The following UFL1 variants were observed in gnomAD, a reference collection of about 807,000 sequenced individuals.
The protein encoded by UFL1 is UFM1 specific ligase 1.
In UFL1, 78 loss-of-function variants were observed where a neutral mutation model predicts 99.3. The observed-to-expected ratio is 0.79, with a 90% CI of 0.65 to 0.95. The LOEUF is 0.95. Among genes scored for constraint, UFL1 ranks in the 40% least tolerant of loss-of-function variants. UFL1 has a pLI of 0.00. For missense variants in UFL1, 936 were observed against 937.0 expected, an observed-to-expected ratio of 1.00 and a Z score of 0.01; for synonymous variants, 335 against 322.2, an observed-to-expected ratio of 1.04 and a Z score of -0.42.
Position 96,553,546 on chromosome 6 carries a change from A to G in UFL1, c.*43A>G, listed in dbSNP as rs1452117731. The G allele has an allele frequency of 6.4e-7, 1 of 1,567,808 alleles. No individual in the cohort carries two copies. Among genetic ancestry groups the G allele is most frequent in the Admixed American group, 1.8e-5 (1 of 56,840 alleles). ...TGTCATATAGTAAGCATTTTCCCCC[A>G]AGGTTGAAGGTGAGTGGTCACAAAA... On this transcript the variant is annotated 3_prime_UTR_variant, in exon 19 of 19. Transcript: ENST00000369278.
Position 96,521,832 on chromosome 6 carries a change from C to T in UFL1, c.-42C>T, listed in dbSNP as rs1275637543. ...TCTTCTCCCACCGCCTGTCGGCTGA[C>T]GTGTCTGCAGTTCCTCCGCGTCTAC... On this transcript the variant is annotated 5_prime_UTR_variant, in exon 1 of 19. In the 5' UTR this introduces an upstream ATG that the reference lacks. Transcript: ENST00000369278. 6.3e-6 allele frequency: 10 copies of T among 1,589,848 alleles called. No homozygotes were observed. Among genetic ancestry groups the T allele is most frequent in the Non-Finnish European group, 8.6e-6 (10 of 1,168,520 alleles).
At chr6:96,548,636 T>C (rs1227628649) in intron 13 of UFL1, among the ~76,000 whole-genome samples, 2 of 151,740 alleles carry the variant, frequency 1.3e-5, no homozygotes, top group Non-Finnish European at 3.0e-5. Flanking sequence ...GAAGAAAAGA[T>C]AATTTTCTAT....
intron 16 of UFL1, 46 bp from the exon 17 acceptor site, chr6:96,551,792 T>A (rs746588503): frequency 9.6e-6 from 12 of 1,253,532 alleles, no homozygotes; most frequent in Non-Finnish European, 1.4e-5. Context: ...TACTTCCTTA[T>A]GCAGTTATAT....
At chr6:96,524,432 T>C in intron 3 of UFL1, 22 bp downstream of exon 3, 1 of 1,563,860 alleles carries the variant, frequency 6.4e-7, no homozygotes, top group Non-Finnish European at 8.6e-7. Context: ...ATTTATAAAA[T>C]TTTTGCTTTA....
intron 14 of UFL1, 24 bp from the exon 15 acceptor site, chr6:96,549,645 T>C: frequency 6.3e-7 from 1 of 1,596,298 alleles, no homozygotes; most frequent in Non-Finnish European, 8.5e-7. Flanking sequence ...AAATTAGTTT[T>C]AATAAAGGTC....
At chr6:96,523,370 T>A in intron 2 of UFL1, 79 bp downstream of exon 2, 1 of 1,336,262 alleles carries the variant, frequency 7.5e-7, no homozygotes, top group Non-Finnish European at 1.0e-6. Flanking sequence ...CGTAAACATG[T>A]AATTGCATAC....
chr6:96,539,402 C>A (rs1582441948), intron 10 of UFL1, among the ~76,000 whole-genome samples: 1 of 151,582 alleles, frequency 6.6e-6, no homozygotes, highest in East Asian at 1.9e-4. Context: ...GTAAAATAGG[C>A]CCATTTATTT....
chr6:96,549,676 A>G lies in UFL1; in HGVS notation c.1695A>G (p.Thr565=). ...AGGTCCTTTATTTTCCAGATGACAC[A>G]CAGGCTGCTCTTACCAAACACTTGC... The part of the protein sequence containing the change: ...EKGMKFFADD[T]QAALTKHLLK... Residue 565 remains threonine (T), a synonymous_variant, in exon 15 of 19, where the codon ACA becomes ACG. Coordinates refer to ENST00000369278, the MANE Select transcript of UFL1 (RefSeq NM_015323.5). 1.2e-6 allele frequency: 2 copies of G among 1,608,544 alleles called. No individual in the cohort carries two copies. The highest frequency in any genetic ancestry group is 2.2e-5 in the South Asian group (2 of 89,640).
chr6:96,552,387 A>G (rs1292510483), intron 17 of UFL1, 95 bp from the exon 18 acceptor site: 7 of 1,341,476 alleles, frequency 5.2e-6, no homozygotes, highest in South Asian at 3.1e-5. Context: ...TAGATAAACT[A>G]GAGAAGCTAA....
chr6:96,538,741 A>C lies in UFL1; in HGVS notation c.1089A>C (p.Val363=). The C allele has an allele frequency of 6.2e-7, 1 of 1,611,426 alleles. No homozygotes were observed. The highest frequency in any genetic ancestry group is 1.3e-5 in the African/African-American group (1 of 74,854). Residue 363 remains valine, a synonymous_variant, in exon 10 of 19, where the codon GTA becomes GTC. Coordinates refer to ENST00000369278, the MANE Select transcript of UFL1 (RefSeq NM_015323.5). The stretch of plus-strand genomic sequence containing the variant: ...CTGTAGTCTTTAGCGACACTGTTGT[A>C]GTCAGTGAAAAATTTATAAATGACT... ...ASTVVFSDTV[V]VSEKFINDCT...
At position 96,554,770 on chromosome 6, in the gene UFL1, TA is replaced by T. The variant is rs1212840296; in HGVS notation, c.*1270del. The T allele has an allele frequency of 2.0e-5, 3 of 152,578 alleles. No homozygotes were observed. Among genetic ancestry groups the T allele is most frequent in the African/African-American group, 7.2e-5 (3 of 41,458 alleles). 9.5% of individuals were successfully genotyped at this position (152,578 alleles called of 1,614,324 possible). A position where few individuals can be genotyped will look rare whatever the true frequency, so the allele number is the denominator to read the frequency against. ...TAAATTGCCAACTTGGCATTATTATTAAACTTGATAGGAACGCAACATTAAA... is the reference window on the plus strand; with the variant it reads ...TAAATTGCCAACTTGGCATTATTATTAACTTGATAGGAACGCAACATTAAA... On this transcript the variant is annotated 3_prime_UTR_variant, in exon 19 of 19. Transcript: ENST00000369278.
At chr6:96,535,680 G>C (rs1406786790) in intron 7 of UFL1, among the ~76,000 whole-genome samples, 10 of 151,938 alleles carry the variant, frequency 6.6e-5, no homozygotes. Context: ...CTCCAACATT[G>C]ATCCTCTTAA....
intron 8 of UFL1, among the ~76,000 whole-genome samples, chr6:96,536,818 A>G (rs1418615655): frequency 6.6e-6 from 1 of 151,724 alleles, no homozygotes; most frequent in Middle Eastern, 3.2e-3. Context: ...CAGATATATC[A>G]TCTTAGAAAT....
chr6:96,541,440 A>G (rs897884744), intron 11 of UFL1, among the ~76,000 whole-genome samples: 20 of 151,564 alleles, frequency 1.3e-4, no homozygotes, highest in African/African-American at 4.6e-4. Flanking sequence ...TTTTTATAGT[A>G]GGAACAGTGC....
At chr6:96,526,960 C>CA (rs1446694527) in intron 5 of UFL1, among the ~76,000 whole-genome samples, 1 of 152,164 alleles carries the variant, frequency 6.6e-6, no homozygotes, top group Non-Finnish European at 1.5e-5. Context: ...GTAATGCCAA[C>CA]ATCTTTTGAC....
At chr6:96,527,230 C>T (rs1769717279) in intron 5 of UFL1, among the ~76,000 whole-genome samples, 1 of 152,074 alleles carries the variant, frequency 6.6e-6, no homozygotes, top group African/African-American at 2.4e-5. Flanking sequence ...GATTTGAATA[C>T]TGTCTGCACC....
At chr6:96,540,509 A>G (rs531500053) in intron 10 of UFL1, 26 bp from the exon 11 acceptor site, 1 of 1,584,176 alleles carries the variant, frequency 6.3e-7, no homozygotes, top group South Asian at 1.2e-5. Flanking sequence ...TGTTTTTCCT[A>G]CCAAAAAAAG....
intron 9 of UFL1, among the ~76,000 whole-genome samples, chr6:96,537,935 G>A (rs116044488): frequency 1.6e-3 from 240 of 151,932 alleles, no homozygotes; most frequent in African/African-American, 4.9e-3. Flanking sequence ...GCCTTGGCAC[G>A]GATAGTGTTT....
chr6:96,527,970 C>T (rs1057397876), intron 5 of UFL1, among the ~76,000 whole-genome samples: 3 of 152,224 alleles, frequency 2.0e-5, no homozygotes, highest in East Asian at 3.9e-4. Context: ...AGAAGGTTAC[C>T]AAGAAGTCAG....
Sources: allele counts gnomAD v4.1 joint callset (sites outside exome capture counted in the v4.1 genomes callset), GRCh38; gene constraint gnomAD v4.1.1; transcripts MANE v1.5; gene names NCBI Gene and HGNC (gene_info 2026-07-23, HGNC 2026-07-21).